The following FMNL3 variants were observed in gnomAD, a reference collection of about 807,000 sequenced individuals.
FMNL3 encodes formin like 3.
A neutral mutation model predicts 119.6 loss-of-function variants in FMNL3; 57 were observed. The observed-to-expected ratio is 0.48, with a 90% CI of 0.39 to 0.59. The LOEUF is 0.59. Among genes scored for constraint, FMNL3 ranks in the 20% least tolerant of loss-of-function variants. The pLI, the probability that FMNL3 is intolerant of heterozygous loss-of-function variation, is 0.00. For synonymous variants in FMNL3, 491 were observed against 507.3 expected (o/e 0.97, Z 0.43); for missense variants, 1,053 against 1,323.5 (o/e 0.80, Z 3.17).
Position 49,650,720 on chromosome 12 carries a change from G to C in FMNL3, c.1956C>G (p.Arg652=). 6.2e-7 allele frequency: 1 copy of C among 1,614,078 alleles called. No individual in the cohort carries two copies. Among genetic ancestry groups the C allele is most frequent in the Non-Finnish European group, 8.5e-7 (1 of 1,180,036 alleles). Residue 652 remains arginine, a synonymous_variant, in exon 17 of 26, where the codon CGC becomes CGG. Transcript: ENST00000335154. ...TCTCCTCAGCCGAGCGGCCAGCCTT[G>C]CGTAGGGTGATGGCCAGGTTCTTGG... ...NRAKNLAITL[R]KAGRSAEEIC...
In FMNL3 at chr12:49,636,981, CCT is replaced by C. The variant is rs1227865813; in HGVS notation, c.*8832_*8833del. Reference sequence around the variant, plus strand: ...CTAGCCCTGTCCAAGCTCTATGAGACCTCTCTCTGCCTGCAGTCTGTTTCTGC... The same window carrying C: ...CTAGCCCTGTCCAAGCTCTATGAGACCTCTCTGCCTGCAGTCTGTTTCTGC... On this transcript the variant is annotated 3_prime_UTR_variant, in exon 26 of 26. Coordinates refer to ENST00000335154, the MANE Select transcript of FMNL3 (RefSeq NM_175736.5). 3.9e-6 allele frequency: 5 copies of C among 1,291,368 alleles called. No homozygotes were observed. In the African/African-American group the frequency reaches 5.9e-5, roughly 15 times the overall value. The allele number at this position is 1,291,368 out of a possible 1,614,324, so 80.0% of individuals were successfully genotyped here.
Position 49,695,506 on chromosome 12 carries a change from G to A in FMNL3, c.126+11549C>T, listed in dbSNP as rs149588949. On this transcript the variant is annotated intron_variant, in intron 1 of 25. Coordinates refer to ENST00000335154, the MANE Select transcript of FMNL3 (RefSeq NM_175736.5). ...TCTGAGCCCTAGCTTCATATTGCCT[G>A]TAAAAAAACACTGCAGTGAAATACT... Among the ~76,000 whole-genome samples, 764 of 152,244 alleles carry A rather than the reference G, an allele frequency of 5.0e-3. 7 individuals carry two copies. Among genetic ancestry groups the A allele is most frequent in the African/African-American group, 0.017 (710 of 41,544 alleles).
intron 25 of FMNL3, 196 bp downstream of exon 25, chr12:49,646,690 G>A: frequency 1.3e-6 from 2 of 1,537,850 alleles, no homozygotes. Context: ...ATGGTGGGCT[G>A]CATCACAGAA....
At position 49,644,108 on chromosome 12, in the gene FMNL3, G is replaced by A. The variant is rs1253193093; in HGVS notation, c.*1707C>T. On this transcript the variant is annotated 3_prime_UTR_variant, in exon 26 of 26. Transcript: ENST00000335154. ...TGCCTTTGCTCCAACAGACAGGCTG[G>A]GACACGTCAGAAAGTGAGCTGAGTG... 6.2e-7 allele frequency: 1 copy of A among 1,614,184 alleles called. No homozygotes were observed. The highest frequency in any genetic ancestry group is 1.7e-5 in the Admixed American group (1 of 60,026).
intron 1 of FMNL3, among the ~76,000 whole-genome samples, chr12:49,702,640 C>A (rs1395291618): frequency 1.3e-5 from 2 of 152,126 alleles, no homozygotes; most frequent in Admixed American, 1.3e-4. Context: ...CCCTTCCCCA[C>A]CACACACAGG....
chr12:49,639,308 C>T lies in FMNL3; in HGVS notation c.*6507G>A, dbSNP rs931921344. 2.0e-5 allele frequency: 3 copies of T among 152,260 alleles called. No homozygotes were observed. Among genetic ancestry groups the T allele is most frequent in the Non-Finnish European group, 4.4e-5 (3 of 68,052 alleles). 9.4% of individuals were successfully genotyped at this position (152,260 alleles called of 1,614,324 possible). ...AATTCAAATAGTCATATTCATTTCA[C>T]TTATCCCCAGACCTCTCTCCTACTG... On this transcript the variant is annotated 3_prime_UTR_variant, in exon 26 of 26. Transcript: ENST00000335154.
intron 1 of FMNL3, among the ~76,000 whole-genome samples, chr12:49,676,520 G>GTTTTTTTTTTTT (rs58117011): frequency 9.7e-6 from 1 of 102,996 alleles, no homozygotes; most frequent in Non-Finnish European, 2.0e-5. Flanking sequence ...TTCATAGTGG[G>GTTTTTTTTTTTT]TTTTTTTTTT....
chr12:49,653,176 C>A, intron 13 of FMNL3, 50 bp downstream of exon 13: 2 of 1,543,310 alleles, frequency 1.3e-6, no homozygotes, highest in Non-Finnish European at 1.8e-6. Context: ...AACCCCAAGG[C>A]GCTGGAGCCC....
chr12:49,676,093 T>C (rs1324341571), intron 1 of FMNL3, among the ~76,000 whole-genome samples: 1 of 152,146 alleles, frequency 6.6e-6, no homozygotes, highest in Non-Finnish European at 1.5e-5. Flanking sequence ...AGCCCCTCTC[T>C]TGAGCTCCAA....
intron 1 of FMNL3, among the ~76,000 whole-genome samples, chr12:49,679,756 C>T (rs1019497300): frequency 2.0e-5 from 3 of 152,038 alleles, no homozygotes; most frequent in Non-Finnish European, 2.9e-5. Context: ...CCCAGGCTCA[C>T]GCAATCCACC....
intron 1 of FMNL3, among the ~76,000 whole-genome samples, chr12:49,685,896 G>A (rs1166629435): frequency 4.0e-5 from 6 of 151,894 alleles, no homozygotes; most frequent in South Asian, 4.2e-4. Flanking sequence ...GTGAAACCCC[G>A]TCTCTACTAA....
Position 49,651,194 on chromosome 12 carries a change from C to G in FMNL3, c.1771G>C (p.Glu591Gln). ...PNQISGTVFS[E>Q]LDDEKILEDL... ...TCCAAGATCTTCTCATCATCAAGTT[C>G]GCTGAAGACAGTGCCACTGATCTGG... is the stretch of plus-strand genomic sequence containing the variant. The change falls in exon 16 of 26, where the codon GAA becomes CAA. Residue 591 changes from glutamate to glutamine, a missense_variant. Glu to Gln is a conservative substitution (Grantham distance 29). Transcript: ENST00000335154. 1 of 1,613,470 alleles carries G rather than the reference C, an allele frequency of 6.2e-7. No homozygotes were observed. Among genetic ancestry groups the G allele is most frequent in the Non-Finnish European group, 8.5e-7 (1 of 1,179,426 alleles).
chr12:49,665,228 GA>G (rs201793585), intron 4 of FMNL3, among the ~76,000 whole-genome samples: 5,130 of 137,416 alleles, frequency 0.037, 103 homozygotes, highest in Middle Eastern at 0.089. Context: ...TCAGGGACTG[GA>G]AAAAAAAAAA....
intron 5 of FMNL3, among the ~76,000 whole-genome samples, chr12:49,661,410 T>C (rs1328308500): frequency 1.3e-5 from 2 of 152,164 alleles, no homozygotes; most frequent in African/African-American, 2.4e-5. Context: ...CCTTCCACTA[T>C]ACCAGGCCGC....
chr12:49,699,855 C>G (rs1775771383), intron 1 of FMNL3, among the ~76,000 whole-genome samples: 1 of 152,170 alleles, frequency 6.6e-6, no homozygotes, highest in Non-Finnish European at 1.5e-5. Context: ...CTGGCAAAGG[C>G]TTTAAAAACA....
chr12:49,693,227 A>G (rs1294806230), intron 1 of FMNL3, among the ~76,000 whole-genome samples: 1 of 152,138 alleles, frequency 6.6e-6, no homozygotes, highest in Non-Finnish European at 1.5e-5. Flanking sequence ...AGATAGGGAT[A>G]AGAGAGGAAA....
chr12:49,637,522 G>C lies in FMNL3; in HGVS notation c.*8293C>G. The C allele has an allele frequency of 1.2e-6, 2 of 1,613,880 alleles. No homozygotes were observed. Among genetic ancestry groups the C allele is most frequent in the East Asian group, 2.2e-5 (1 of 44,866 alleles). ...GGGCAGCTGCACTCTATGTCCACCT[G>C]GATGGAGCTATATCCAGCAGTCAGC... On this transcript the variant is annotated 3_prime_UTR_variant, in exon 26 of 26. Transcript: ENST00000335154.
At chr12:49,652,825 G>T (rs979418163) in intron 13 of FMNL3, among the ~76,000 whole-genome samples, 1 of 152,218 alleles carries the variant, frequency 6.6e-6, no homozygotes, top group Non-Finnish European at 1.5e-5. Flanking sequence ...TACCTGCCCT[G>T]CCAATTTAGG....
intron 4 of FMNL3, among the ~76,000 whole-genome samples, chr12:49,664,208 G>A (rs1458872297): frequency 6.6e-6 from 1 of 152,208 alleles, no homozygotes; most frequent in African/African-American, 2.4e-5. Context: ...TGGCGCCTGG[G>A]CGACAGAGCT....
Sources: allele counts gnomAD v4.1 joint callset (sites outside exome capture counted in the v4.1 genomes callset), GRCh38; gene constraint gnomAD v4.1.1; transcripts MANE v1.5; gene names NCBI Gene and HGNC (gene_info 2026-07-23, HGNC 2026-07-21).